ROBO1: variants seen among roughly 807,000 people sequenced by gnomAD.
ROBO1 encodes the protein roundabout homolog 1.
Under a neutral mutation model 195.9 loss-of-function variants are expected in ROBO1, and 149 were observed. That is an observed-to-expected ratio of 0.76 (90% confidence interval 0.67 to 0.87). The LOEUF (loss-of-function observed/expected upper bound fraction) is 0.87, where lower values mean the gene tolerates loss of function less well. Among genes scored for constraint, ROBO1 ranks in the 40% least tolerant of loss-of-function variants. ROBO1 has a pLI of 0.00. For synonymous variants in ROBO1, 816 were observed against 733.2 expected, an observed-to-expected ratio of 1.11 and a Z score of -1.82; for missense variants, 1,933 against 2,068.3, an observed-to-expected ratio of 0.93 and a Z score of 1.27.
chr3:78,729,274 C>T (rs1174784068), intron 5 of ROBO1, among the ~76,000 whole-genome samples: 1 of 151,820 alleles, frequency 6.6e-6, no homozygotes, highest in Non-Finnish European at 1.5e-5. Flanking sequence ...TGGGAGCCAC[C>T]CTGCAGACAG....
chr3:78,898,013 T>C (rs894022151), intron 4 of ROBO1, among the ~76,000 whole-genome samples: 1 of 151,598 alleles, frequency 6.6e-6, no homozygotes, highest in South Asian at 2.1e-4. Context: ...AAATATAATA[T>C]ATAAATGCAG....
intron 2 of ROBO1, among the ~76,000 whole-genome samples, chr3:79,283,505 G>A (rs1576919927): frequency 1.3e-5 from 2 of 152,162 alleles, no homozygotes; most frequent in African/African-American, 4.8e-5. Context: ...ATATTAAATA[G>A]TTTCAGGCTT....
Position 79,407,471 on chromosome 3 carries a change from T to C in ROBO1, c.88+182353A>G, listed in dbSNP as rs547274397. 3.9e-5 allele frequency among the ~76,000 whole-genome samples: 6 copies of C among 152,336 alleles called. No individual in the cohort carries two copies. In the South Asian group the frequency reaches 1.0e-3, roughly 26 times the overall value. ...ACACTTGTTGTGTTTAGTTCCACTT[T>C]TATAAACCTGAAGAATAGACACTGC... On this transcript the variant is annotated intron_variant, in intron 2 of 30. Coordinates refer to ENST00000464233, the MANE Select transcript of ROBO1 (RefSeq NM_002941.4).
chr3:79,483,324 A>G (rs1450127262), intron 2 of ROBO1, among the ~76,000 whole-genome samples: 1 of 152,206 alleles, frequency 6.6e-6, no homozygotes, highest in East Asian at 1.9e-4. Context: ...GAGTGTACTA[A>G]TTGTGGTCCC....
At chr3:79,214,110 T>C (rs116699101) in intron 2 of ROBO1, among the ~76,000 whole-genome samples, 3,298 of 152,034 alleles carry the variant, frequency 0.022, 112 homozygotes, top group African/African-American at 0.073. Context: ...ACTCTCCACT[T>C]CTTATATTGT....
intron 3 of ROBO1, among the ~76,000 whole-genome samples, chr3:79,086,874 G>A (rs945246717): frequency 6.6e-6 from 1 of 151,894 alleles, no homozygotes; most frequent in Non-Finnish European, 1.5e-5. Flanking sequence ...TCCTTTATGA[G>A]GTCTTAATTT....
chr3:79,476,873 A>G (rs1053858848), intron 2 of ROBO1, among the ~76,000 whole-genome samples: 2 of 152,122 alleles, frequency 1.3e-5, no homozygotes, highest in Non-Finnish European at 2.9e-5. Context: ...GAACTTACTC[A>G]TGTAACCAAA....
intron 1 of ROBO1, among the ~76,000 whole-genome samples, chr3:79,706,962 G>T (rs886346082): frequency 1.3e-5 from 2 of 151,660 alleles, no homozygotes; most frequent in African/African-American, 4.8e-5. Context: ...TTATTTGTAG[G>T]TTTTTTTTCT....
Position 78,796,948 on chromosome 3 carries a change from C to T in ROBO1, c.500-50048G>A, listed in dbSNP as rs374960084. ...AATTTGACCCTTTGTCTTCCAACCT[C>T]GTCTCTCATCTTTCTATCTCTTGTA... On this transcript the variant is annotated intron_variant, in intron 4 of 30. Coordinates refer to ENST00000464233, the MANE Select transcript of ROBO1 (RefSeq NM_002941.4). Among the ~76,000 whole-genome samples the T allele has an allele frequency of 1.2e-3, 179 of 152,212 alleles. 4 individuals carry two copies. The South Asian group carries it at 0.034, about 29-fold the overall frequency.
At chr3:79,314,471 G>A (rs544227875) in intron 2 of ROBO1, among the ~76,000 whole-genome samples, 8 of 152,216 alleles carry the variant, frequency 5.3e-5, no homozygotes, top group East Asian at 3.9e-4. Flanking sequence ...CTTTGCTGCC[G>A]CATGTGAAGA....
chr3:78,811,593 A>G (rs1489655250), intron 4 of ROBO1, among the ~76,000 whole-genome samples: 4 of 151,998 alleles, frequency 2.6e-5, no homozygotes, highest in Non-Finnish European at 5.9e-5. Context: ...CACCTTTATG[A>G]TCTGGCCCCT....
chr3:79,655,018 C>T (rs1338439575), intron 1 of ROBO1, among the ~76,000 whole-genome samples: 2 of 151,946 alleles, frequency 1.3e-5, no homozygotes, highest in Admixed American at 6.6e-5. Flanking sequence ...AGGAAATCTA[C>T]AGAAGTCACG....
intron 2 of ROBO1, among the ~76,000 whole-genome samples, chr3:79,331,845 T>G (rs2034451631): frequency 6.6e-6 from 1 of 152,140 alleles, no homozygotes; most frequent in Non-Finnish European, 1.5e-5. Context: ...TCTGCGACAT[T>G]AAGAATGTGA....
chr3:79,329,700 A>G (rs142103441), intron 2 of ROBO1, among the ~76,000 whole-genome samples: 16 of 152,176 alleles, frequency 1.1e-4, no homozygotes, highest in Admixed American at 2.0e-4. Flanking sequence ...TATCAAATCC[A>G]GTTGAATTTC....
chr3:78,771,348 C>T (rs1029964914), intron 4 of ROBO1, among the ~76,000 whole-genome samples: 4 of 152,050 alleles, frequency 2.6e-5, no homozygotes, highest in Non-Finnish European at 5.9e-5. Context: ...CAGCTTTGCT[C>T]CTTTTGCTTA....
chr3:78,603,639 A>G (rs2107256738), intron 29 of ROBO1, among the ~76,000 whole-genome samples: 1 of 152,284 alleles, frequency 6.6e-6, no homozygotes, highest in South Asian at 2.1e-4. Flanking sequence ...ACTCTCCTTA[A>G]TGAAAAATAA....
Position 78,668,281 on chromosome 3 carries a change from G to T in ROBO1, c.1652C>A (p.Pro551His). The change falls in exon 13 of 31, where the codon CCT (proline) becomes CAT (histidine). Residue 551 changes from proline (P) to histidine (H), a missense_variant. Coordinates refer to ENST00000464233, the MANE Select transcript of ROBO1 (RefSeq NM_002941.4). ...TAAATTTGGGTCAGTAGGTCTTGGA[G>T]GCTGAACTGGAACTCCAAATTCTAA... ...EVQEFGVPVQPPRPTDPNLIP... is the reference protein window; with the variant it reads ...EVQEFGVPVQHPRPTDPNLIP... 1 of 1,613,282 alleles carries T rather than the reference G, an allele frequency of 6.2e-7. No individual in the cohort carries two copies. The highest frequency in any genetic ancestry group is 8.5e-7 in the Non-Finnish European group (1 of 1,179,658).
chr3:78,694,116 T>C (rs961365254), intron 8 of ROBO1, among the ~76,000 whole-genome samples: 1 of 152,196 alleles, frequency 6.6e-6, no homozygotes, highest in Non-Finnish European at 1.5e-5. Context: ...CTATAAATCA[T>C]AATTACATTT....
rs532737002 is a variant in ROBO1, at chr3:79,110,196, T to C, written c.172+15260A>G. Among the ~76,000 whole-genome samples the C allele has an allele frequency of 1.4e-3, 217 of 152,264 alleles. 1 individual carries two copies. Among genetic ancestry groups the C allele is most frequent in the African/African-American group, 5.0e-3 (209 of 41,560 alleles). On this transcript the variant is annotated intron_variant, in intron 3 of 30. Coordinates refer to ENST00000464233, the MANE Select transcript of ROBO1 (RefSeq NM_002941.4). Reference sequence around the variant, plus strand: ...CAAATAATCAGTGCTGTGTGCCCACTAAATGTAAGTTATTACAGTGAGTGT... The same window carrying C: ...CAAATAATCAGTGCTGTGTGCCCACCAAATGTAAGTTATTACAGTGAGTGT...
Sources: allele counts gnomAD v4.1 joint callset (sites outside exome capture counted in the v4.1 genomes callset), GRCh38; gene constraint gnomAD v4.1.1; transcripts MANE v1.5; gene names NCBI Gene and HGNC (gene_info 2026-07-23, HGNC 2026-07-21).